SYNPR: variants seen among roughly 807,000 people sequenced by gnomAD.
SYNPR encodes synaptoporin.
A neutral mutation model predicts 32.9 loss-of-function variants in SYNPR; 23 were observed. The observed-to-expected ratio is 0.70, with a 90% CI of 0.50 to 0.99. The LOEUF (loss-of-function observed/expected upper bound fraction) is 0.99, where lower values mean the gene tolerates loss of function less well. Among genes scored for constraint, SYNPR ranks in the 50% least tolerant of loss-of-function variants. The probability of loss-of-function intolerance (pLI) is 0.00; values close to 1 mark genes in which losing one functional copy is unlikely to be tolerated. For missense variants in SYNPR, 318 were observed against 349.3 expected, an observed-to-expected ratio of 0.91 and a Z score of 0.71; for synonymous variants, 146 against 135.9, an observed-to-expected ratio of 1.07 and a Z score of -0.52.
At chr3:63,314,535 T>C (rs1042682079) in intron 2 of SYNPR, among the ~76,000 whole-genome samples, 1 of 151,910 alleles carries the variant, frequency 6.6e-6, no homozygotes, top group Non-Finnish European at 1.5e-5. Context: ...CTACTGAGAA[T>C]TGTCTATTCA....
intron 3 of SYNPR, among the ~76,000 whole-genome samples, chr3:63,527,634 T>C (rs574721042): frequency 3.3e-5 from 5 of 152,258 alleles, no homozygotes; most frequent in Non-Finnish European, 5.9e-5. Flanking sequence ...GCGCTTTCCC[T>C]CTTCATCTAT....
chr3:63,491,758 T>C (rs1009565285), intron 3 of SYNPR, among the ~76,000 whole-genome samples: 7 of 152,148 alleles, frequency 4.6e-5, no homozygotes, highest in Non-Finnish European at 7.4e-5. Flanking sequence ...TGATCTCAAG[T>C]GATCTGCCTC....
intron 2 of SYNPR, among the ~76,000 whole-genome samples, chr3:63,417,585 G>T (rs2088558405): frequency 6.6e-6 from 1 of 152,236 alleles, no homozygotes; most frequent in African/African-American, 2.4e-5. Flanking sequence ...CTCCATGAGG[G>T]TCCTGCCCCT....
rs145001881 is a variant in SYNPR at position 63,436,498 on chromosome 3, G to C, written c.85-44334G>C. Among the ~76,000 whole-genome samples, 160 of 152,236 alleles carry C rather than the reference G, an allele frequency of 1.1e-3. No individual in the cohort carries two copies. In the Middle Eastern group the frequency reaches 0.027, roughly 26 times the overall value. On this transcript the variant is annotated intron_variant, in intron 2 of 5. Transcript: ENST00000478300. ...GTTTTAGCTGTGATATGTAAAACCT[G>C]AGTCGCCTTGTCTCCTGAGTCAAAG...
intron 2 of SYNPR, among the ~76,000 whole-genome samples, chr3:63,408,731 G>T (rs1392728745): frequency 6.6e-6 from 1 of 152,110 alleles, no homozygotes; most frequent in African/African-American, 2.4e-5. Flanking sequence ...GGATTGGATG[G>T]TGCCTGCTCA....
chr3:63,501,494 C>CAAAAAAAAAAAAAAA (rs377290258), intron 3 of SYNPR, among the ~76,000 whole-genome samples: 1 of 96,718 alleles, frequency 1.0e-5, no homozygotes, highest in Non-Finnish European at 2.1e-5. Flanking sequence ...CTCCCCCAAC[C>CAAAAAAAAAAAAAAA]AAAAAAAAAA....
At chr3:63,613,705 A>C (rs182260715) in intron 5 of SYNPR, among the ~76,000 whole-genome samples, 2 of 150,800 alleles carry the variant, frequency 1.3e-5, no homozygotes, top group African/African-American at 4.9e-5. Flanking sequence ...ACCATTTAGT[A>C]AGTATTTGCT....
Position 63,480,951 on chromosome 3 carries a change from A to G in SYNPR, c.204A>G (p.Pro68=). 7 of 1,612,164 alleles carry G rather than the reference A, an allele frequency of 4.3e-6. No homozygotes were observed. Among genetic ancestry groups the G allele is most frequent in the Non-Finnish European group, 5.9e-6 (7 of 1,178,658 alleles). ...NLSIDIAFAY[P]FRLHQVTFEV... ...GCATCGACATAGCGTTTGCCTACCC[A>G]TTCAGGTAGGGAATGGTGGTTCATG... The change falls in exon 3 of 6, where the codon CCA becomes CCG. Residue 68 remains proline (P), a synonymous_variant. Transcript: ENST00000478300.
At chr3:63,382,991 T>A (rs142404097) in intron 2 of SYNPR, among the ~76,000 whole-genome samples, 1 of 152,236 alleles carries the variant, frequency 6.6e-6, no homozygotes, top group South Asian at 2.1e-4. Context: ...AACTAGAGAC[T>A]TGATTTACTT....
At chr3:63,335,766 C>CTTTTTTT (rs3082128) in intron 2 of SYNPR, among the ~76,000 whole-genome samples, 2,282 of 90,954 alleles carry the variant, frequency 0.025, 247 homozygotes, top group Non-Finnish European at 0.037. Flanking sequence ...TATTAGCTTC[C>CTTTTTTT]TTTTTTTTTT....
chr3:63,314,976 T>C (rs1447365805), intron 2 of SYNPR, among the ~76,000 whole-genome samples: 1 of 152,096 alleles, frequency 6.6e-6, no homozygotes, highest in Non-Finnish European at 1.5e-5. Context: ...CCCAGCACCA[T>C]TTGTTGAAAA....
At chr3:63,258,534 A>C (rs550001039) in intron 2 of SYNPR, among the ~76,000 whole-genome samples, 66 of 152,350 alleles carry the variant, frequency 4.3e-4, no homozygotes, top group African/African-American at 1.6e-3. Flanking sequence ...GAGAACAAAG[A>C]CACAACATAC....
intron 5 of SYNPR, among the ~76,000 whole-genome samples, chr3:63,613,610 CAAAAAAAAAAAAAAA>C (rs10566584): frequency 8.7e-5 from 4 of 46,050 alleles, no homozygotes; most frequent in South Asian, 3.3e-3. Flanking sequence ...TATGCTGCAG[CAAAAAAAAAAAAAAA>C]AAAAAAAAAA....
chr3:63,334,339 A>C (rs1560195475), intron 2 of SYNPR, among the ~76,000 whole-genome samples: 1 of 152,198 alleles, frequency 6.6e-6, no homozygotes, highest in African/African-American at 2.4e-5. Context: ...AGAGAGTATG[A>C]CTTGGGTGTG....
At chr3:63,281,686 C>G (rs1272549069) in intron 2 of SYNPR, among the ~76,000 whole-genome samples, 1 of 152,150 alleles carries the variant, frequency 6.6e-6, no homozygotes, top group African/African-American at 2.4e-5. Flanking sequence ...AGGCCCCACC[C>G]CCTAAGACCA....
intron 2 of SYNPR, among the ~76,000 whole-genome samples, chr3:63,470,989 C>A (rs529564423): frequency 9.2e-4 from 140 of 152,300 alleles, no homozygotes; most frequent in African/African-American, 3.2e-3. Flanking sequence ...CCAGACTAGT[C>A]ATTTCAGAAA....
intron 4 of SYNPR, among the ~76,000 whole-genome samples, chr3:63,604,991 G>C (rs149393261): frequency 6.6e-6 from 1 of 152,044 alleles, no homozygotes; most frequent in African/African-American, 2.4e-5. Context: ...TAACAAAATT[G>C]CGATCATTTT....
chr3:63,390,607 G>A (rs534402746), intron 2 of SYNPR, among the ~76,000 whole-genome samples: 1 of 152,332 alleles, frequency 6.6e-6, no homozygotes, highest in South Asian at 2.1e-4. Context: ...ATCCTGTTGT[G>A]TGAACTTGGG....
chr3:63,237,741 A>G (rs2106877885), intron 1 of SYNPR, among the ~76,000 whole-genome samples: 1 of 152,058 alleles, frequency 6.6e-6, no homozygotes. Context: ...GATGTCAATG[A>G]CAGCTTAATT....
Sources: gnomAD v4.1 joint callset for allele counts (sites outside exome capture counted in the v4.1 genomes callset) on GRCh38, gnomAD v4.1.1 for gene constraint, MANE v1.5 for transcripts, NCBI Gene and HGNC (gene_info 2026-07-23, HGNC 2026-07-21) for gene names.